Variants in FKBP5 observed in about 807,000 individuals in gnomAD.
The protein encoded by FKBP5 is peptidyl-prolyl cis-trans isomerase FKBP5.
In FKBP5, 23 loss-of-function variants were observed where a neutral mutation model predicts 50.5. The ratio of observed to expected loss-of-function variants is 0.46; its 90% confidence interval spans 0.33 to 0.65. The LOEUF (loss-of-function observed/expected upper bound fraction) is 0.65. FKBP5 is among the 30% of genes least tolerant of loss of function. The pLI is 0.02. For synonymous variants in FKBP5, 176 were observed against 190.6 expected, an observed-to-expected ratio of 0.92 and a Z score of 0.63; for missense variants, 411 against 553.1, an observed-to-expected ratio of 0.74 and a Z score of 2.58.
chr6:35,625,290 G>A (rs191802736), intron 3 of FKBP5, among the ~76,000 whole-genome samples: 5 of 152,108 alleles, frequency 3.3e-5, no homozygotes, highest in African/African-American at 7.2e-5. Flanking sequence ...TCACCACGTT[G>A]GTCAGGCTGG....
At chr6:35,650,627 C>T (rs1764772861) in intron 1 of FKBP5, among the ~76,000 whole-genome samples, 1 of 151,982 alleles carries the variant, frequency 6.6e-6, no homozygotes, top group Admixed American at 6.6e-5. Context: ...GTGTGCGCCA[C>T]CAATGCCCGG....
chr6:35,663,198 G>C lies in FKBP5; in HGVS notation c.-19-20355C>G, dbSNP rs529194268. 9.5e-4 allele frequency among the ~76,000 whole-genome samples: 144 copies of C among 152,302 alleles called. 1 individual carries two copies. Among genetic ancestry groups the C allele is most frequent in the African/African-American group, 3.3e-3 (139 of 41,566 alleles). Reference sequence around the variant, plus strand: ...GCCAGTGACCATGTGAGCTGAGGGGGAGGGCTTCTCACAGGGCAAACGGTA... The same window carrying C: ...GCCAGTGACCATGTGAGCTGAGGGGCAGGGCTTCTCACAGGGCAAACGGTA... On this transcript the variant is annotated intron_variant, in intron 1 of 10. Coordinates refer to ENST00000357266, the MANE Select transcript of FKBP5 (RefSeq NM_004117.4).
chr6:35,657,131 C>A (rs1400226786), intron 1 of FKBP5, among the ~76,000 whole-genome samples: 1 of 151,806 alleles, frequency 6.6e-6, no homozygotes, highest in East Asian at 1.9e-4. Flanking sequence ...AGAAGAATGG[C>A]GTGAACCCGG....
At chr6:35,725,605 G>A (rs917898374) in intron 1 of FKBP5, among the ~76,000 whole-genome samples, 15 of 152,128 alleles carry the variant, frequency 9.9e-5, no homozygotes, top group Admixed American at 2.0e-4. Flanking sequence ...ACCTAAAGAC[G>A]GGGAGTGGGA....
intron 5 of FKBP5, among the ~76,000 whole-genome samples, chr6:35,618,337 T>C (rs191824336): frequency 1.3e-5 from 2 of 152,350 alleles, no homozygotes; most frequent in African/African-American, 4.8e-5. Context: ...TGAATTAATA[T>C]TTACTAAATA....
intron 2 of FKBP5, among the ~76,000 whole-genome samples, chr6:35,715,824 TC>T (rs1275008694): frequency 6.6e-6 from 1 of 152,196 alleles, no homozygotes; most frequent in Non-Finnish European, 1.5e-5. Flanking sequence ...CATTCTGGCA[TC>T]CATGTGGAGG....
intron 5 of FKBP5, among the ~76,000 whole-genome samples, chr6:35,610,524 C>T (rs534259342): frequency 1.4e-5 from 2 of 138,892 alleles, no homozygotes; most frequent in East Asian, 2.1e-4. Context: ...GCCAAGACCG[C>T]GCCACTGCAC....
At chr6:35,580,486 G>A (rs1327424648) in intron 8 of FKBP5, 2 of 278,996 alleles carry the variant, frequency 7.2e-6, no homozygotes, top group Non-Finnish European at 1.3e-5. Context: ...AGTACAGCAA[G>A]GCTTCTGGGC....
At chr6:35,602,723 G>A (rs1418965919) in intron 5 of FKBP5, among the ~76,000 whole-genome samples, 3 of 152,086 alleles carry the variant, frequency 2.0e-5, no homozygotes, top group Non-Finnish European at 4.4e-5. Context: ...CCTCTGCACT[G>A]TTTTGTACTA....
intron 5 of FKBP5, among the ~76,000 whole-genome samples, chr6:35,612,693 G>A (rs1033492556): frequency 3.3e-5 from 5 of 152,190 alleles, no homozygotes; most frequent in Admixed American, 6.5e-5. Flanking sequence ...TTCACATGGC[G>A]GCAGAAGAGG....
intron 5 of FKBP5, among the ~76,000 whole-genome samples, chr6:35,601,936 A>G (rs1164231991): frequency 6.6e-6 from 1 of 152,236 alleles, no homozygotes; most frequent in East Asian, 1.9e-4. Context: ...CCAAATCCCC[A>G]CAAAGTCAAA....
intron 8 of FKBP5, chr6:35,581,979 T>C: frequency 1.0e-6 from 1 of 985,434 alleles, no homozygotes; most frequent in South Asian, 4.7e-5. Flanking sequence ...TAAGAGGACA[T>C]GCCTGTGATA....
rs1192314875 is a variant in FKBP5 at position 35,574,605 on chromosome 6, A to G, written c.*1230T>C. The G allele has an allele frequency of 1.3e-5, 2 of 152,534 alleles. No homozygotes were observed. The highest frequency in any genetic ancestry group is 2.9e-5 in the Non-Finnish European group (2 of 68,046). The allele number at this position is 152,534 out of a possible 1,614,324, so 9.4% of individuals were successfully genotyped here. ...ACTCTTTCACAACTCACGCCAGAACAGAGAAGCTTGACAGGGCAGGAAAAG... is the reference window on the plus strand; with the variant it reads ...ACTCTTTCACAACTCACGCCAGAACGGAGAAGCTTGACAGGGCAGGAAAAG... On this transcript the variant is annotated 3_prime_UTR_variant, in exon 11 of 11. Coordinates refer to ENST00000357266, the MANE Select transcript of FKBP5 (RefSeq NM_004117.4).
At chr6:35,688,218 C>T (rs1308726383) in intron 1 of FKBP5, among the ~76,000 whole-genome samples, 1 of 152,218 alleles carries the variant, frequency 6.6e-6, no homozygotes. Flanking sequence ...AGCGCGGCCA[C>T]CCCGCCACCA....
upstream of FKBP5, among the ~76,000 whole-genome samples, chr6:35,693,467 A>T (rs1303566418): frequency 7.3e-6 from 1 of 137,776 alleles, no homozygotes; most frequent in African/African-American, 2.7e-5. Context: ...CCGGCCAGTT[A>T]TTCTACTCTT....
chr6:35,671,846 A>C (rs376697333), intron 1 of FKBP5, among the ~76,000 whole-genome samples: 1 of 152,202 alleles, frequency 6.6e-6, no homozygotes, highest in African/African-American at 2.4e-5. Context: ...AGCCCTCAAA[A>C]GAACCCTAAA....
intron 2 of FKBP5, among the ~76,000 whole-genome samples, chr6:35,702,001 C>T (rs1766198013): frequency 6.6e-6 from 1 of 152,118 alleles, no homozygotes; most frequent in African/African-American, 2.4e-5. Context: ...GTGTGCGCCA[C>T]CACACCCAGC....
upstream of FKBP5, among the ~76,000 whole-genome samples, chr6:35,690,156 G>A (rs962276248): frequency 2.6e-5 from 4 of 152,120 alleles, no homozygotes; most frequent in Admixed American, 2.6e-4. Flanking sequence ...TCCAGAAATC[G>A]CCATGCTGCC....
At chr6:35,639,503 G>T (rs1280562567) in intron 2 of FKBP5, among the ~76,000 whole-genome samples, 1 of 152,106 alleles carries the variant, frequency 6.6e-6, no homozygotes. Context: ...TGTTCTCTGG[G>T]CATGGGCACT....
Sources: gnomAD v4.1 joint callset for allele counts (sites outside exome capture counted in the v4.1 genomes callset) on GRCh38, gnomAD v4.1.1 for gene constraint, MANE v1.5 for transcripts, NCBI Gene and HGNC (gene_info 2026-07-23, HGNC 2026-07-21) for gene names.